Variants in HFE observed in about 807,000 individuals in gnomAD.
HFE encodes homeostatic iron regulator, also known as hereditary hemochromatosis protein.
A neutral mutation model predicts 40.9 loss-of-function variants in HFE; 36 were observed. That is an observed-to-expected ratio of 0.88 (90% CI 0.67 to 1.16). The LOEUF is 1.16. Ranked by LOEUF, HFE falls within the 50% of genes most tolerant of loss-of-function variation. HFE has a pLI of 0.00. For missense variants in HFE, 376 were observed against 432.0 expected, an observed-to-expected ratio of 0.87 and a Z score of 1.15; for synonymous variants, 157 against 165.4, an observed-to-expected ratio of 0.95 and a Z score of 0.39.
Position 26,096,701 on chromosome 6 carries a change from T to C in HFE, c.*2475T>C, listed in dbSNP as rs535978447. 2.5e-6 allele frequency: 1 copy of C among 407,616 alleles called. No homozygotes were observed. Among genetic ancestry groups the C allele is most frequent in the Admixed American group, 3.1e-5 (1 of 32,218 alleles). The allele number at this position is 407,616 out of a possible 1,614,324, so 25.2% of individuals were successfully genotyped here. On this transcript the variant is annotated 3_prime_UTR_variant, in exon 6 of 6. Transcript: ENST00000357618. ...ATTTACGCTCATTGTAGAAAAGCTA[T>C]AAAATGAATACAATTAAAGCTGTTA... is the stretch of plus-strand genomic sequence containing the variant.
chr6:26,087,474 C>T lies in HFE; in HGVS notation c.34C>T (p.Leu12=). 6.2e-7 allele frequency: 1 copy of T among 1,614,130 alleles called. No homozygotes were observed. Among genetic ancestry groups the T allele is most frequent in the Non-Finnish European group, 8.5e-7 (1 of 1,179,992 alleles). The stretch of plus-strand genomic sequence containing the variant: ...GCGAGCCAGGCCGGCGCTTCTCCTC[C>T]TGATGCTTTTGCAGACCGCGGTCCT... ...GPRARPALLL[L]MLLQTAVLQG... The change falls in exon 1 of 6, where the codon CTG becomes TTG. Residue 12 remains leucine (L), a synonymous_variant. Transcript: ENST00000357618.
Position 26,092,862 on chromosome 6 carries a change from AG to A in HFE, c.797del (p.Gly266AlafsTer3). 6.2e-7 allele frequency: 1 copy of A among 1,614,210 alleles called. No individual in the cohort carries two copies. Among genetic ancestry groups the A allele is most frequent in the East Asian group, 2.2e-5 (1 of 44,882 alleles). On this transcript the variant is annotated frameshift_variant, in exon 4 of 6. Transcript: ENST00000357618. LOFTEE classifies it high-confidence loss of function. ...DVLPNGDGTY[Q>X]GWITLAVPPG... ...TTGCCCAATGGGGATGGGACCTACCAGGGCTGGATAACCTTGGCTGTACCCC... is the reference window on the plus strand; with the variant it reads ...TTGCCCAATGGGGATGGGACCTACCAGGCTGGATAACCTTGGCTGTACCCC...
chr6:26,094,302 CAT>C lies in HFE; in HGVS notation c.*77_*78del. 1 of 1,346,562 alleles carries C rather than the reference CAT, an allele frequency of 7.4e-7. No individual in the cohort carries two copies. The highest frequency in any genetic ancestry group is 1.1e-6 in the Non-Finnish European group (1 of 939,270). 83.4% of individuals were successfully genotyped at this position (1,346,562 alleles called of 1,614,324 possible). On this transcript the variant is annotated 3_prime_UTR_variant, in exon 6 of 6. Coordinates refer to ENST00000357618, the MANE Select transcript of HFE (RefSeq NM_000410.4). ...AGAGGGAGTGCATTTATGAGCTCTT[CAT>C]GTTTCAGGAGAGAGTTGAACCTAAA...
chr6:26,093,700 T>C (rs892621480), intron 5 of HFE, among the ~76,000 whole-genome samples: 3 of 151,646 alleles, frequency 2.0e-5, no homozygotes, highest in Non-Finnish European at 2.9e-5. Context: ...TTGAAGATGA[T>C]GGGAGGTCTA....
intron 5 of HFE, 132 bp from the exon 6 acceptor site, chr6:26,094,054 T>G (rs558374569): frequency 9.2e-6 from 8 of 866,614 alleles, no homozygotes; most frequent in South Asian, 5.4e-5. Flanking sequence ...AGATGAGAGA[T>G]AATGGTTCTT....
At chr6:26,088,790 G>A (rs1389763608) in intron 1 of HFE, among the ~76,000 whole-genome samples, 1 of 152,186 alleles carries the variant, frequency 6.6e-6, no homozygotes, top group Non-Finnish European at 1.5e-5. Context: ...GTGTAAATGA[G>A]TCCCAGCCAT....
chr6:26,093,078 G>A (rs879360468), intron 4 of HFE, 41 bp from the exon 5 acceptor site: 2 of 1,613,484 alleles, frequency 1.2e-6, no homozygotes, highest in Non-Finnish European at 1.7e-6. Flanking sequence ...GGTGGGCTGA[G>A]GGTGGCAATC....
chr6:26,091,571 G>A lies in HFE; in HGVS notation c.598G>A (p.Gly200Ser). The change falls in exon 3 of 6, where the codon GGT (glycine) becomes AGT (serine). Residue 200 changes from glycine (G) to serine (S), a missense_variant. Physicochemically the swap from Gly to Ser is moderately conservative, Grantham distance 56. Coordinates refer to ENST00000357618, the MANE Select transcript of HFE (RefSeq NM_000410.4). ...GCAGCAGTTGCTGGAGCTGGGGAGA[G>A]GTGTTTTGGACCAACAAGGTATGGT... is the stretch of plus-strand genomic sequence containing the variant. The part of the protein sequence containing the change: ...QLQQLLELGR[G>S]VLDQQVPPLV... 1 of 1,613,214 alleles carries A rather than the reference G, an allele frequency of 6.2e-7. No homozygotes were observed. Among genetic ancestry groups the A allele is most frequent in the Non-Finnish European group, 8.5e-7 (1 of 1,179,880 alleles).
intron 3 of HFE, among the ~76,000 whole-genome samples, chr6:26,092,141 T>C (rs1581669915): frequency 7.7e-6 from 1 of 130,632 alleles, no homozygotes; most frequent in African/African-American, 3.0e-5. Flanking sequence ...GCCACTGCAC[T>C]CCAGCCTAGG....
chr6:26,087,637 G>GCC (rs1762375197), intron 1 of HFE, 121 bp downstream of exon 1: 1 of 784,906 alleles, frequency 1.3e-6, no homozygotes, highest in Non-Finnish European at 2.1e-6. Flanking sequence ...CTATCCGCAA[G>GCC]CCCCTCTCCC....
Position 26,094,435 on chromosome 6 carries a change from A to G in HFE, c.*209A>G. 1 of 705,098 alleles carries G rather than the reference A, an allele frequency of 1.4e-6. No individual in the cohort carries two copies. Among genetic ancestry groups the G allele is most frequent in the Non-Finnish European group, 2.6e-6 (1 of 386,360 alleles). The allele number at this position is 705,098 out of a possible 1,614,324, so 43.7% of individuals were successfully genotyped here. ...GAGTTCCTGCATGCCGGTGATCCCT[A>G]GCTGTGACCTCTCCCCTGGAACTGT... On this transcript the variant is annotated 3_prime_UTR_variant, in exon 6 of 6. Coordinates refer to ENST00000357618, the MANE Select transcript of HFE (RefSeq NM_000410.4).
At chr6:26,091,641 G>A (rs1480573469) in intron 3 of HFE, 52 bp downstream of exon 3, 23 of 1,594,302 alleles carry the variant, frequency 1.4e-5, no homozygotes, top group Non-Finnish European at 2.0e-5. Flanking sequence ...GAGTGGAGGA[G>A]GTTGCAGGGC....
Position 26,091,328 on chromosome 6 carries a change from C to A in HFE, c.355C>A (p.Gln119Lys). 1 of 1,614,158 alleles carries A rather than the reference C, an allele frequency of 6.2e-7. No individual in the cohort carries two copies. Among genetic ancestry groups the A allele is most frequent in the Non-Finnish European group, 8.5e-7 (1 of 1,180,018 alleles). Residue 119 changes from glutamine to lysine, a missense_variant, in exon 3 of 6, where the codon CAG (glutamine) becomes AAG (lysine). Gln to Lys is a moderately conservative substitution (Grantham distance 53, BLOSUM62 1). Coordinates refer to ENST00000357618, the MANE Select transcript of HFE (RefSeq NM_000410.4). ...HNHSKESHTL[Q>K]VILGCEMQED... ...GATTTTTCCAGAGTCCCACACCCTG[C>A]AGGTCATCCTGGGCTGTGAAATGCA...
chr6:26,091,032 A>T lies in HFE; in HGVS notation c.268A>T (p.Ser90Cys), dbSNP rs1322662939. The T allele has an allele frequency of 3.1e-6, 5 of 1,614,066 alleles. No homozygotes were observed. In the South Asian group the frequency reaches 4.4e-5, roughly 14 times the overall value. The change falls in exon 2 of 6, where the codon AGT becomes TGT. Residue 90 changes from serine to cysteine, a missense_variant. By Grantham distance (112) the Ser-to-Cys change is moderately radical. This residue lies in a region of HFE where 200 missense variants were observed against 228.5 expected (regional missense o/e 0.88). Transcript: ENST00000357618. The part of the protein sequence containing the change: ...SSQMWLQLSQ[S>C]LKGWDHMFTV... Reference sequence around the variant, plus strand: ...CCAGATGTGGCTGCAGCTGAGTCAGAGTCTGAAAGGGTGGGATCACATGTT... The same window carrying T: ...CCAGATGTGGCTGCAGCTGAGTCAGTGTCTGAAAGGGTGGGATCACATGTT...
chr6:26,088,305 C>T (rs181004787), intron 1 of HFE, among the ~76,000 whole-genome samples: 38 of 152,336 alleles, frequency 2.5e-4, no homozygotes, highest in Non-Finnish European at 3.7e-4. Context: ...GCAATGCACT[C>T]ACTTCTAAGT....
In HFE at chr6:26,090,879, G is replaced by C; in HGVS notation, c.115G>C (p.Glu39Gln). 1 of 1,614,120 alleles carries C rather than the reference G, an allele frequency of 6.2e-7. No homozygotes were observed. The highest frequency in any genetic ancestry group is 8.5e-7 in the Non-Finnish European group (1 of 1,180,012). Residue 39 changes from glutamate to glutamine, a missense_variant, in exon 2 of 6, where the codon GAG becomes CAG. This residue lies in a region of HFE where 200 missense variants were observed against 228.5 expected (regional missense o/e 0.88). Transcript: ENST00000357618. ...GCACTACCTCTTCATGGGTGCCTCA[G>C]AGCAGGACCTTGGTCTTTCCTTGTT... Reference protein sequence around the residue: ...SLHYLFMGASEQDLGLSLFEA... With the variant: ...SLHYLFMGASQQDLGLSLFEA...
Position 26,094,506 on chromosome 6 carries a change from C to T in HFE, c.*280C>T, listed in dbSNP as rs928778997. The T allele has an allele frequency of 5.8e-5, 41 of 702,578 alleles. No individual in the cohort carries two copies. Among genetic ancestry groups the T allele is most frequent in the Middle Eastern group, 2.3e-4 (1 of 4,392 alleles). 43.5% of individuals were successfully genotyped at this position (702,578 alleles called of 1,614,324 possible). ...CATCTAGAGGCTTCCTTCATTTCCT[C>T]CGTCACCTCAGAGACATACACCTAT... On this transcript the variant is annotated 3_prime_UTR_variant, in exon 6 of 6. Transcript: ENST00000357618.
chr6:26,091,325 C>T lies in HFE; in HGVS notation c.352C>T (p.Leu118=), dbSNP rs1368079234. The T allele has an allele frequency of 5.0e-6, 8 of 1,614,024 alleles. No individual in the cohort carries two copies. In the Admixed American group the frequency reaches 1.0e-4, roughly 20 times the overall value. The change falls in exon 3 of 6, where the codon CTG becomes TTG. Residue 118 remains leucine (L), a synonymous_variant. Transcript: ENST00000357618. Reference sequence around the variant, plus strand: ...GGGGATTTTTCCAGAGTCCCACACCCTGCAGGTCATCCTGGGCTGTGAAAT... The same window carrying T: ...GGGGATTTTTCCAGAGTCCCACACCTTGCAGGTCATCCTGGGCTGTGAAAT... The part of the protein sequence containing the change: ...NHNHSKESHT[L]QVILGCEMQE...
At chr6:26,090,461 A>AAAAAAAAAAAAAAAAAAAAAAC (rs1333044396) in intron 1 of HFE, among the ~76,000 whole-genome samples, 1 of 150,504 alleles carries the variant, frequency 6.6e-6, no homozygotes, top group South Asian at 2.1e-4. Context: ...AAAAAAAAAA[A>AAAAAAAAAAAAAAAAAAAAAAC]AAAAAAAAAA....
Sources: gnomAD v4.1 joint callset for allele counts (sites outside exome capture counted in the v4.1 genomes callset) on GRCh38, gnomAD v4.1.1 for gene constraint, gnomAD v4.1.1 regional missense constraint, MANE v1.5 for transcripts, NCBI Gene and HGNC (gene_info 2026-07-23, HGNC 2026-07-21) for gene names.